The following NRG3 variants were observed in gnomAD, a reference collection of about 807,000 sequenced individuals.
NRG3 encodes the protein pro-neuregulin-3, membrane-bound isoform.
NRG3 carries 31 observed loss-of-function variants against 66.9 expected under a neutral mutation model. That is an observed-to-expected ratio of 0.46 (90% CI 0.35 to 0.63). The LOEUF is 0.63. Among genes scored for constraint, NRG3 ranks in the 20% least tolerant of loss-of-function variants. The pLI, the probability that NRG3 is intolerant of heterozygous loss-of-function variation, is 0.00. For missense variants in NRG3, 910 were observed against 878.9 expected (o/e 1.04, Z -0.45); for synonymous variants, 393 against 359.4 (o/e 1.09, Z -1.06).
At chr10:81,941,830 TCCTCTTTCAA>T (rs1210454865) in intron 1 of NRG3, among the ~76,000 whole-genome samples, 1 of 152,084 alleles carries the variant, frequency 6.6e-6, no homozygotes, top group Non-Finnish European at 1.5e-5. Context: ...GGGATATCCA[TCCTCTTTCAA>T]CCACAGAGTT....
At chr10:82,632,821 A>G (rs2049935012) in intron 2 of NRG3, among the ~76,000 whole-genome samples, 1 of 152,172 alleles carries the variant, frequency 6.6e-6, no homozygotes, top group Non-Finnish European at 1.5e-5. Context: ...TGGTTCATTT[A>G]ATACCCCATT....
At chr10:82,087,895 T>TA (rs1383752331) in intron 1 of NRG3, among the ~76,000 whole-genome samples, 1 of 152,128 alleles carries the variant, frequency 6.6e-6, no homozygotes, top group Non-Finnish European at 1.5e-5. Context: ...CAGAACTAGT[T>TA]ACAGTATCCA....
chr10:81,882,278 G>A (rs7919976), intron 1 of NRG3, among the ~76,000 whole-genome samples: 74,349 of 151,876 alleles, frequency 0.49, 23,356 homozygotes, highest in African/African-American at 0.87. Context: ...CAGTGTGGTG[G>A]CAGCCAGTTG....
chr10:82,299,861 A>C (rs1003443368), intron 1 of NRG3, among the ~76,000 whole-genome samples: 2 of 152,192 alleles, frequency 1.3e-5, no homozygotes, highest in African/African-American at 4.8e-5. Flanking sequence ...TGTATTTTAG[A>C]TGACTTTTTA....
At chr10:82,968,800 C>T (rs899272121) in intron 6 of NRG3, among the ~76,000 whole-genome samples, 49 of 152,074 alleles carry the variant, frequency 3.2e-4, no homozygotes, top group African/African-American at 1.1e-3. Context: ...CATTTTCACA[C>T]GCTGATAAAG....
intron 1 of NRG3, among the ~76,000 whole-genome samples, chr10:81,951,716 C>G (rs112254464): frequency 0.029 from 4,367 of 152,274 alleles, 104 homozygotes; most frequent in African/African-American, 0.063. Flanking sequence ...AATTTTAAAA[C>G]TTTTTGTTAC....
At chr10:82,429,882 T>C (rs564015413) in intron 2 of NRG3, among the ~76,000 whole-genome samples, 14 of 152,292 alleles carry the variant, frequency 9.2e-5, no homozygotes, top group African/African-American at 3.1e-4. Flanking sequence ...ACCGGTTCAT[T>C]ATTCTGACAG....
intron 1 of NRG3, among the ~76,000 whole-genome samples, chr10:81,958,132 A>G (rs939605274): frequency 3.9e-5 from 6 of 152,196 alleles, no homozygotes; most frequent in African/African-American, 1.2e-4. Flanking sequence ...CCATCACACC[A>G]TCTCTAAATG....
rs556647315 is a variant in NRG3, at chr10:82,223,358, A to G, written c.824-135381A>G. On this transcript the variant is annotated intron_variant, in intron 1 of 8. Coordinates refer to ENST00000372141, the MANE Select transcript of NRG3 (RefSeq NM_001010848.4). ...TTCTCAAAAAAACATATCACAAGAC[A>G]GGCTGTCTGTTCATATAGGTAATAG... is the stretch of plus-strand genomic sequence containing the variant. 1.4e-4 allele frequency among the ~76,000 whole-genome samples: 22 copies of G among 152,226 alleles called. No individual in the cohort carries two copies. In the South Asian group the frequency reaches 3.5e-3, roughly 24 times the overall value.
At chr10:82,853,596 C>A (rs1451514230) in intron 3 of NRG3, among the ~76,000 whole-genome samples, 2 of 151,890 alleles carry the variant, frequency 1.3e-5, no homozygotes, top group Non-Finnish European at 2.9e-5. Flanking sequence ...ATTTGATTGT[C>A]AGCTTGATTG....
chr10:82,435,751 G>GTGGTTT (rs1278680133), intron 2 of NRG3, among the ~76,000 whole-genome samples: 7 of 146,346 alleles, frequency 4.8e-5, no homozygotes, highest in Non-Finnish European at 9.0e-5. Flanking sequence ...ATGAAATTGT[G>GTGGTTT]TGGTTTTGAG....
At chr10:82,298,640 A>T (rs183978802) in intron 1 of NRG3, among the ~76,000 whole-genome samples, 61 of 151,168 alleles carry the variant, frequency 4.0e-4, no homozygotes, top group East Asian at 6.0e-4. Flanking sequence ...GCAAATAATT[A>T]AAAAAAAACC....
At chr10:82,283,278 A>G (rs2079223624) in intron 1 of NRG3, among the ~76,000 whole-genome samples, 2 of 152,194 alleles carry the variant, frequency 1.3e-5, no homozygotes, top group African/African-American at 4.8e-5. Flanking sequence ...TCACAATGCC[A>G]TGTAGGAGTA....
intron 1 of NRG3, among the ~76,000 whole-genome samples, chr10:81,921,614 G>C (rs764748620): frequency 2.6e-5 from 4 of 151,966 alleles, no homozygotes; most frequent in Non-Finnish European, 5.9e-5. Flanking sequence ...ATGTTTCTTA[G>C]GTTATTTTTG....
chr10:81,986,937 C>T (rs1341201859), intron 1 of NRG3, among the ~76,000 whole-genome samples: 2 of 152,160 alleles, frequency 1.3e-5, no homozygotes, highest in Non-Finnish European at 2.9e-5. Context: ...CCACCTTGGC[C>T]TCCCAAAGTG....
intron 4 of NRG3, among the ~76,000 whole-genome samples, chr10:82,910,214 A>G (rs1025566144): frequency 1.3e-5 from 2 of 152,252 alleles, no homozygotes; most frequent in Non-Finnish European, 2.9e-5. Context: ...TCTGCTTATC[A>G]TGAAGCAGAA....
chr10:82,635,739 T>G (rs1484206240), intron 2 of NRG3, among the ~76,000 whole-genome samples: 1 of 152,162 alleles, frequency 6.6e-6, no homozygotes, highest in African/African-American at 2.4e-5. Flanking sequence ...CTCTTCTCCT[T>G]TCCCTTTTCT....
intron 1 of NRG3, among the ~76,000 whole-genome samples, chr10:82,344,205 C>A (rs543044106): frequency 6.7e-6 from 1 of 148,438 alleles, no homozygotes; most frequent in Admixed American, 6.6e-5. Flanking sequence ...CAATGCTATC[C>A]CTCCCCGCTC....
intron 2 of NRG3, among the ~76,000 whole-genome samples, chr10:82,694,829 CA>C (rs1190858793): frequency 3.3e-5 from 5 of 152,026 alleles, no homozygotes; most frequent in Admixed American, 1.3e-4. Context: ...ATTAGTTATA[CA>C]AAAAACTATG....
Sources: gnomAD v4.1 joint callset for allele counts (sites outside exome capture counted in the v4.1 genomes callset) on GRCh38, gnomAD v4.1.1 for gene constraint, MANE v1.5 for transcripts, NCBI Gene and HGNC (gene_info 2026-07-23, HGNC 2026-07-21) for gene names.